Variants in KCNN4 observed in about 807,000 individuals in gnomAD.
The protein encoded by KCNN4 is intermediate conductance calcium-activated potassium channel protein 4.
Under a neutral mutation model 45.2 loss-of-function variants are expected in KCNN4, and 31 were observed. The ratio of observed to expected loss-of-function variants is 0.69; its 90% CI spans 0.52 to 0.92. The LOEUF (loss-of-function observed/expected upper bound fraction) is 0.92, where lower values mean the gene tolerates loss of function less well. Among genes scored for constraint, KCNN4 ranks in the 40% least tolerant of loss-of-function variants. KCNN4 has a pLI of 0.00. For missense variants in KCNN4, 463 were observed against 574.0 expected (o/e 0.81, Z 1.98); for synonymous variants, 231 against 254.6 (o/e 0.91, Z 0.88).
rs1421443221 is a variant in KCNN4, at chr19:43,774,558, G to A, written c.317C>T (p.Ala106Val). 1.2e-5 allele frequency: 18 copies of A among 1,557,912 alleles called. No individual in the cohort carries two copies. The highest frequency in any genetic ancestry group is 1.5e-5 in the Non-Finnish European group (17 of 1,160,918). Residue 106 changes from alanine (A) to valine (V), a missense_variant, in exon 3 of 9, where the codon GCG (alanine) becomes GTG (valine). Ala to Val is a moderately conservative substitution (Grantham distance 64, BLOSUM62 0). Transcript: ENST00000648319. This position sits in a 1 kb window ranked among gnomAD's most constrained non-coding sequence, Gnocchi z 5.6. ...CACCACCAGCTCCAGCACGATCTGC[G>A]CCGCCTGCCGCCCGGTCAGCGCCAC... is the stretch of plus-strand genomic sequence containing the variant. ...WRVALTGRQA[A>V]QIVLELVVCG...
At chr19:43,768,634 G>A (rs1451468976) in intron 7 of KCNN4, among the ~76,000 whole-genome samples, 1 of 152,042 alleles carries the variant, frequency 6.6e-6, no homozygotes, top group Non-Finnish European at 1.5e-5. Flanking sequence ...AATTTGCTTT[G>A]GTTTTATTGT....
chr19:43,771,916 TG>T lies in KCNN4; in HGVS notation c.819+83del, dbSNP rs1969654283. The T allele has an allele frequency of 2.0e-6, 3 of 1,476,588 alleles. No individual in the cohort carries two copies. The East Asian group carries it at 7.2e-5, about 36-fold the overall frequency. 91.5% of individuals were successfully genotyped at this position (1,476,588 alleles called of 1,614,324 possible). On this transcript the variant is annotated intron_variant, in intron 4 of 8. Transcript: ENST00000648319. ...AGGAGCTGTCCCTGAGAGCCTGTGT[TG>T]AACCCATTTAATCATGGCTTCCTGG...
intron 4 of KCNN4, among the ~76,000 whole-genome samples, chr19:43,771,652 C>G (rs950458986): frequency 6.6e-6 from 1 of 152,070 alleles, no homozygotes; most frequent in Non-Finnish European, 1.5e-5. Context: ...CTAGAGAGAG[C>G]AAGGACTTAG....
chr19:43,771,967 T>C, intron 4 of KCNN4, 33 bp downstream of exon 4: 1 of 1,566,120 alleles, frequency 6.4e-7, no homozygotes, highest in Non-Finnish European at 8.6e-7. Flanking sequence ...CAGTTTGGGA[T>C]AGGGATCATG....
At chr19:43,776,714 A>G in intron 1 of KCNN4, 78 bp from the exon 2 acceptor site, 25 of 885,008 alleles carry the variant, frequency 2.8e-5, no homozygotes, top group South Asian at 2.2e-4. Context: ...CTTCAAAACC[A>G]CCATTTTTTT....
At chr19:43,775,123 T>A (rs1348360312) in intron 2 of KCNN4, among the ~76,000 whole-genome samples, 1 of 152,190 alleles carries the variant, frequency 6.6e-6, no homozygotes, top group Non-Finnish European at 1.5e-5. Flanking sequence ...GTCAAGAGTT[T>A]GAGACAAGCC....
At position 43,772,026 on chromosome 19, in the gene KCNN4, T is replaced by A. The variant is rs1969657922; in HGVS notation, c.793A>T (p.Ile265Phe). 3.1e-6 allele frequency: 5 copies of A among 1,612,842 alleles called. No individual in the cohort carries two copies. The highest frequency in any genetic ancestry group is 4.2e-6 in the Non-Finnish European group (5 of 1,179,552). ...DVVPGTMWGK[I>F]VCLCTGVMGV... is the part of the protein sequence containing the mutation. ...ATGACTCCAGTGCACAGGCAGACGA[T>A]CTTGCCCCACATGGTGCCCGGCACC... Residue 265 changes from isoleucine (I) to phenylalanine (F), a missense_variant, in exon 4 of 9, where the codon ATC becomes TTC. Around this residue, in one of 3 missense-constraint regions of KCNN4, gnomAD observed 109 missense variants for 183.7 expected, o/e 0.59. Transcript: ENST00000648319. This position sits in a 1 kb window ranked among gnomAD's most constrained non-coding sequence, Gnocchi z 4.4.
intron 1 of KCNN4, among the ~76,000 whole-genome samples, chr19:43,779,352 G>A (rs897877253): frequency 3.9e-5 from 6 of 151,988 alleles, no homozygotes. Flanking sequence ...GGACTTCGGC[G>A]GCCCCACCCC....
rs752375424 is a variant in KCNN4, at chr19:43,769,427, C to T, written c.1049+15G>A. The T allele has an allele frequency of 6.2e-7, 1 of 1,607,490 alleles. No homozygotes were observed. The highest frequency in any genetic ancestry group is 2.2e-5 in the East Asian group (1 of 44,836). ...GGGTGCACATGGACACGTGTGCATA[C>T]AAAGCGGCCCTCACGCGTTGATGGC... On this transcript the variant is annotated intron_variant, in intron 6 of 8. Transcript: ENST00000648319. The surrounding 1 kb of genome is among the most constrained non-coding windows in gnomAD (Gnocchi z 4.4).
Position 43,780,691 on chromosome 19 carries a change from T to C in KCNN4, c.159+12A>G, listed in dbSNP as rs1203029061. 4 of 1,429,766 alleles carry C rather than the reference T, an allele frequency of 2.8e-6. No individual in the cohort carries two copies. The South Asian group carries it at 3.5e-5, about 13-fold the overall frequency. The allele number at this position is 1,429,766 out of a possible 1,614,324, so 88.6% of individuals were successfully genotyped here. A position where few individuals can be genotyped will look rare whatever the true frequency, so the allele number is the denominator to read the frequency against. Reference sequence around the variant, plus strand: ...TAGGAGTCCCAGCTCCCAGCCACCATGCCCCACTCACCGAGCACCCCCCGA... The same window carrying C: ...TAGGAGTCCCAGCTCCCAGCCACCACGCCCCACTCACCGAGCACCCCCCGA... On this transcript the variant is annotated intron_variant, in intron 1 of 8. Coordinates refer to ENST00000648319, the MANE Select transcript of KCNN4 (RefSeq NM_002250.3).
chr19:43,769,968 C>T lies in KCNN4; in HGVS notation c.820-139G>A. On this transcript the variant is annotated intron_variant, in intron 4 of 8. Coordinates refer to ENST00000648319, the MANE Select transcript of KCNN4 (RefSeq NM_002250.3). This position sits in a 1 kb window ranked among gnomAD's most constrained non-coding sequence, Gnocchi z 4.4. ...GAGGCTCAGAGAGGAGAGCCAAGGT[C>T]CCAGCTCAGAGCGGTGGAGCTAGAA... is the stretch of plus-strand genomic sequence containing the variant. 2 of 634,020 alleles carry T rather than the reference C, an allele frequency of 3.2e-6. No individual in the cohort carries two copies. The highest frequency in any genetic ancestry group is 2.8e-5 in the Admixed American group (1 of 35,840). 39.3% of individuals were successfully genotyped at this position (634,020 alleles called of 1,614,324 possible). A position where few individuals can be genotyped will look rare whatever the true frequency, so the allele number is the denominator to read the frequency against.
rs1969561687 is a variant in KCNN4, at chr19:43,769,119, A to T, written c.1050-87T>A. 7.3e-7 allele frequency: 1 copy of T among 1,369,240 alleles called. No homozygotes were observed. The highest frequency in any genetic ancestry group is 2.3e-5 in the East Asian group (1 of 43,542). 84.8% of individuals were successfully genotyped at this position (1,369,240 alleles called of 1,614,324 possible). A position where few individuals can be genotyped will look rare whatever the true frequency, so the allele number is the denominator to read the frequency against. The stretch of plus-strand genomic sequence containing the variant: ...GGGGAGGAATGAAGGGAGGAGAGGC[A>T]CATGAAGAAACAAAACAAAGAAACA... On this transcript the variant is annotated intron_variant, in intron 6 of 8. Transcript: ENST00000648319. This position sits in a 1 kb window ranked among gnomAD's most constrained non-coding sequence, Gnocchi z 4.4.
intron 1 of KCNN4, among the ~76,000 whole-genome samples, chr19:43,777,435 C>T (rs964363943): frequency 1.6e-4 from 25 of 151,894 alleles, no homozygotes; most frequent in African/African-American, 6.1e-4. Context: ...TCAATCAACC[C>T]CAACCCCAGA....
chr19:43,768,351 A>G (rs1969541811), intron 7 of KCNN4, among the ~76,000 whole-genome samples: 2 of 152,274 alleles, frequency 1.3e-5, no homozygotes, highest in South Asian at 4.1e-4. Context: ...AGGCCACCAG[A>G]TAAGCAGAAG....
In KCNN4 at chr19:43,780,906, C is replaced by T; in HGVS notation, c.-45G>A. ...CTCAGCCAGCTTCCTGCCCAGGGTC[C>T]CCCACCTCGCAGCACGCACAGGGCA... On this transcript the variant is annotated 5_prime_UTR_variant, in exon 1 of 9. Coordinates refer to ENST00000648319, the MANE Select transcript of KCNN4 (RefSeq NM_002250.3). 6.2e-7 allele frequency: 1 copy of T among 1,600,424 alleles called. No homozygotes were observed. The highest frequency in any genetic ancestry group is 8.5e-7 in the Non-Finnish European group (1 of 1,171,560).
At position 43,780,868 on chromosome 19, in the gene KCNN4, C is replaced by T. The variant is rs3746087; in HGVS notation, c.-7G>A. 3.2e-5 allele frequency: 52 copies of T among 1,613,494 alleles called. No homozygotes were observed. The East Asian group carries it at 5.8e-4, about 18-fold the overall frequency. Reference sequence around the variant, plus strand: ...GCACCAGATCCCCGCCCATGGCCCCCGGGGTCTTGGGGCTCAGCCAGCTTC... The same window carrying T: ...GCACCAGATCCCCGCCCATGGCCCCTGGGGTCTTGGGGCTCAGCCAGCTTC... On this transcript the variant is annotated 5_prime_UTR_variant, in exon 1 of 9. Transcript: ENST00000648319.
chr19:43,768,259 C>A (rs1036813776), intron 7 of KCNN4, among the ~76,000 whole-genome samples: 34 of 152,336 alleles, frequency 2.2e-4, no homozygotes, highest in African/African-American at 7.2e-4. Context: ...GGTTTTGGGG[C>A]CTGCATCTGT....
At chr19:43,776,485 G>A (rs1315269703) in intron 2 of KCNN4, 56 bp downstream of exon 2, 83 of 1,206,282 alleles carry the variant, frequency 6.9e-5, no homozygotes, top group Non-Finnish European at 6.2e-6. Flanking sequence ...AGTGTGAGCT[G>A]ACAGGGCGCT....
intron 3 of KCNN4, among the ~76,000 whole-genome samples, chr19:43,773,874 G>A (rs1189428738): frequency 1.3e-5 from 2 of 152,192 alleles, no homozygotes; most frequent in African/African-American, 4.8e-5. Flanking sequence ...AGATAGGTTC[G>A]GAGACCGAAC....
Sources: gnomAD v4.1 joint callset for allele counts (sites outside exome capture counted in the v4.1 genomes callset) on GRCh38, gnomAD v4.1.1 for gene constraint, gnomAD v4.1.1 regional missense constraint, Gnocchi (gnomAD v3.1) non-coding constraint, MANE v1.5 for transcripts, NCBI Gene and HGNC (gene_info 2026-07-23, HGNC 2026-07-21) for gene names.